The following MAD1L1 variants were observed in gnomAD, a reference collection of about 807,000 sequenced individuals.
MAD1L1 encodes mitotic arrest deficient 1 like 1, also known as mitotic spindle assembly checkpoint protein MAD1.
Under a neutral mutation model 96.9 loss-of-function variants are expected in MAD1L1, and 95 were observed. The ratio of observed to expected loss-of-function variants is 0.98; its 90% CI spans 0.83 to 1.16. MAD1L1 has a LOEUF of 1.16. Among genes scored for constraint, MAD1L1 ranks in the 50% most tolerant of loss-of-function variants. The pLI, the probability that MAD1L1 is intolerant of heterozygous loss-of-function variation, is 0.00. For missense variants in MAD1L1, 1,007 were observed against 954.4 expected (o/e 1.06, Z -0.73); for synonymous variants, 473 against 396.6 (o/e 1.19, Z -2.29).
chr7:2,041,172 A>G (rs1046188471), intron 12 of MAD1L1, among the ~76,000 whole-genome samples: 1 of 152,146 alleles, frequency 6.6e-6, no homozygotes, highest in African/African-American at 2.4e-5. Flanking sequence ...ACCACACCTG[A>G]CAACAGGCCC....
At position 2,064,154 on chromosome 7, in the gene MAD1L1, C is replaced by T. The variant is rs377423549; in HGVS notation, c.1218+5040G>A. On this transcript the variant is annotated intron_variant, in intron 12 of 18. Coordinates refer to ENST00000265854, the MANE Select transcript of MAD1L1 (RefSeq NM_001013836.2). The stretch of plus-strand genomic sequence containing the variant: ...GGGATGCAGCCCAGCAACCCCCTGG[C>T]GAGGGAGCACACAGGAGCCCAGCCT... 5.9e-5 allele frequency among the ~76,000 whole-genome samples: 9 copies of T among 152,270 alleles called. No individual in the cohort carries two copies. In the South Asian group the frequency reaches 6.2e-4, roughly 11 times the overall value.
intron 16 of MAD1L1, among the ~76,000 whole-genome samples, chr7:1,952,600 A>G (rs1229380287): frequency 6.6e-6 from 1 of 152,072 alleles, no homozygotes; most frequent in Non-Finnish European, 1.5e-5. Flanking sequence ...AAGGTGGCTC[A>G]CGCATGGGAG....
rs181311865 is a variant in MAD1L1 at position 1,866,572 on chromosome 7, C to T, written c.1998+31628G>A. Among the ~76,000 whole-genome samples the T allele has an allele frequency of 3.9e-3, 597 of 152,254 alleles. 6 individuals carry two copies. The highest frequency in any genetic ancestry group is 0.01 in the Middle Eastern group (3 of 294). ...AGTGGGGAAGAGGAGGCTCAGGGAG[C>T]GCTACAGAGAAGCTGCTGGTGTGAG... On this transcript the variant is annotated intron_variant, in intron 18 of 18. Transcript: ENST00000265854.
At chr7:1,904,098 T>C (rs1376319955) in intron 17 of MAD1L1, among the ~76,000 whole-genome samples, 3 of 126,740 alleles carry the variant, frequency 2.4e-5, no homozygotes, top group Non-Finnish European at 3.5e-5. Context: ...GAAGACGCTC[T>C]TGCGGAACTC....
rs1383288770 is a variant in MAD1L1 at position 2,230,130 on chromosome 7, C to T, written c.4G>A (p.Glu2Lys). The stretch of plus-strand genomic sequence containing the variant: ...ACCATGGTGTTTTCCCCCAGGTCTT[C>T]CATGGTTGCTTTCCTTCCGGGGACA... M[E>K]DLGENTMVLS... Residue 2 changes from glutamate to lysine, a missense_variant, in exon 3 of 19, where the codon GAA (glutamate) becomes AAA (lysine). Glu to Lys is a moderately conservative substitution (Grantham distance 56). Coordinates refer to ENST00000265854, the MANE Select transcript of MAD1L1 (RefSeq NM_001013836.2). 4 of 1,591,606 alleles carry T rather than the reference C, an allele frequency of 2.5e-6. No homozygotes were observed. In the Admixed American group the frequency reaches 5.3e-5, roughly 21 times the overall value.
At chr7:1,906,391 T>C (rs1275963822) in intron 17 of MAD1L1, among the ~76,000 whole-genome samples, 1 of 152,204 alleles carries the variant, frequency 6.6e-6, no homozygotes, top group Admixed American at 6.5e-5. Context: ...CCCTGCTGGG[T>C]GCCCCGGCCT....
intron 13 of MAD1L1, among the ~76,000 whole-genome samples, chr7:2,006,697 G>A (rs926497745): frequency 2.0e-5 from 3 of 151,920 alleles, no homozygotes; most frequent in Admixed American, 6.6e-5. Context: ...CACTAAACCC[G>A]CACGGCCCAG....
chr7:2,067,000 T>C (rs924296723), intron 12 of MAD1L1, among the ~76,000 whole-genome samples: 2 of 152,220 alleles, frequency 1.3e-5, no homozygotes, highest in African/African-American at 4.8e-5. Flanking sequence ...GGGGCCACAC[T>C]TGTAGCCCAG....
chr7:1,902,288 C>T (rs1023601588), intron 17 of MAD1L1, among the ~76,000 whole-genome samples: 17 of 152,092 alleles, frequency 1.1e-4, no homozygotes, highest in South Asian at 2.1e-4. Flanking sequence ...TACTGAGGGC[C>T]GGGATGTCAG....
chr7:1,942,669 A>T (rs1779055214), intron 16 of MAD1L1, among the ~76,000 whole-genome samples: 1 of 152,126 alleles, frequency 6.6e-6, no homozygotes, highest in East Asian at 1.9e-4. Context: ...GAAACATCCC[A>T]TGTCTCGGAT....
chr7:2,197,354 C>G (rs564125131), intron 10 of MAD1L1, among the ~76,000 whole-genome samples: 1 of 152,278 alleles, frequency 6.6e-6, no homozygotes, highest in Non-Finnish European at 1.5e-5. Context: ...AGCTGTATCC[C>G]CAGCACCCAG....
At chr7:2,169,602 G>A (rs1317819491) in intron 10 of MAD1L1, among the ~76,000 whole-genome samples, 1 of 152,236 alleles carries the variant, frequency 6.6e-6, no homozygotes, top group Non-Finnish European at 1.5e-5. Flanking sequence ...CGCGCTGCGT[G>A]CAATTAACAG....
intron 11 of MAD1L1, among the ~76,000 whole-genome samples, chr7:2,089,430 A>G (rs1786094254): frequency 6.6e-6 from 1 of 152,184 alleles, no homozygotes; most frequent in Non-Finnish European, 1.5e-5. Flanking sequence ...CCACCATGTA[A>G]GAAGAGCCTT....
intron 14 of MAD1L1, among the ~76,000 whole-genome samples, chr7:1,985,419 C>T (rs772023478): frequency 6.6e-6 from 1 of 152,042 alleles, no homozygotes; most frequent in African/African-American, 2.4e-5. Flanking sequence ...ATGCAGACCA[C>T]GGGATCCTGG....
Position 2,163,652 on chromosome 7 carries a change from C to T in MAD1L1, c.987-14414G>A, listed in dbSNP as rs574829267. On this transcript the variant is annotated intron_variant, in intron 10 of 18. Coordinates refer to ENST00000265854, the MANE Select transcript of MAD1L1 (RefSeq NM_001013836.2). ...CCTCCCAAAGTGCTGAGATTACAGGCGTGAGCCACAGAAGCACACTTTTCT... is the reference window on the plus strand; with the variant it reads ...CCTCCCAAAGTGCTGAGATTACAGGTGTGAGCCACAGAAGCACACTTTTCT... Among the ~76,000 whole-genome samples, 6 of 152,232 alleles carry T rather than the reference C, an allele frequency of 3.9e-5. No individual in the cohort carries two copies. The East Asian group carries it at 5.8e-4, about 15-fold the overall frequency.
chr7:1,925,322 A>C (rs1297301477), intron 17 of MAD1L1, among the ~76,000 whole-genome samples: 1 of 152,246 alleles, frequency 6.6e-6, no homozygotes, highest in Non-Finnish European at 1.5e-5. Flanking sequence ...CTTTGAAATT[A>C]AAAAGCATCC....
intron 12 of MAD1L1, among the ~76,000 whole-genome samples, chr7:2,025,819 A>G (rs1405027366): frequency 6.6e-6 from 1 of 152,208 alleles, no homozygotes; most frequent in East Asian, 1.9e-4. Context: ...TTAAGTATAT[A>G]ATAATAGTCT....
chr7:1,846,722 G>A (rs565566444), intron 18 of MAD1L1: 1 of 163,210 alleles, frequency 6.1e-6, no homozygotes, highest in East Asian at 1.9e-4. Flanking sequence ...GAAGCCTGAG[G>A]CCGGCCCGTC....
intron 18 of MAD1L1, among the ~76,000 whole-genome samples, chr7:1,897,257 T>C (rs1329424973): frequency 6.6e-6 from 1 of 152,096 alleles, no homozygotes; most frequent in Non-Finnish European, 1.5e-5. Flanking sequence ...CAAATCAAAG[T>C]TGGTTCTCGG....
Sources: allele counts gnomAD v4.1 joint callset (sites outside exome capture counted in the v4.1 genomes callset), GRCh38; gene constraint gnomAD v4.1.1; transcripts MANE v1.5; gene names NCBI Gene and HGNC (gene_info 2026-07-23, HGNC 2026-07-21).